The following STIM2 variants were observed in gnomAD, a reference collection of about 807,000 sequenced individuals.
The protein encoded by STIM2 is stromal interaction molecule 2.
In STIM2, 31 loss-of-function variants were observed where a neutral mutation model predicts 85.8. That is an observed-to-expected ratio of 0.36 (90% CI 0.27 to 0.49). STIM2 has a LOEUF of 0.49. Among genes scored for constraint, STIM2 ranks in the 20% least tolerant of loss-of-function variants. STIM2 has a pLI of 0.98. For synonymous variants in STIM2, 356 were observed against 331.1 expected (o/e 1.08, Z -0.82); for missense variants, 841 against 927.6 (o/e 0.91, Z 1.21).
chr4:26,948,277 C>T (rs375651032), intron 2 of STIM2, among the ~76,000 whole-genome samples: 3 of 152,098 alleles, frequency 2.0e-5, no homozygotes, highest in Non-Finnish European at 2.9e-5. Context: ...GGTGTTCCAA[C>T]GAAAGTGCTG....
At chr4:26,997,960 A>C (rs190925127) in intron 4 of STIM2, among the ~76,000 whole-genome samples, 54 of 152,290 alleles carry the variant, frequency 3.5e-4, no homozygotes, top group African/African-American at 1.3e-3. Context: ...AGTGTTTCAA[A>C]GTAGTCTTTG....
At chr4:26,955,479 T>C (rs1020055233) in intron 2 of STIM2, among the ~76,000 whole-genome samples, 6 of 148,430 alleles carry the variant, frequency 4.0e-5, no homozygotes, top group African/African-American at 1.5e-4. Flanking sequence ...AGAATTTCTT[T>C]CCAGCTCTTG....
chr4:27,012,516 T>G (rs1221637793), intron 10 of STIM2, among the ~76,000 whole-genome samples: 1 of 152,124 alleles, frequency 6.6e-6, no homozygotes, highest in African/African-American at 2.4e-5. Flanking sequence ...CTTATAAAAC[T>G]GTATTTCAGA....
At chr4:26,952,870 C>T (rs1457484335) in intron 2 of STIM2, among the ~76,000 whole-genome samples, 1 of 152,092 alleles carries the variant, frequency 6.6e-6, no homozygotes, top group East Asian at 1.9e-4. Context: ...TTTTAAATAG[C>T]TATATGAAAT....
In STIM2 at chr4:26,900,894, G is replaced by A. The variant is rs187268441; in HGVS notation, c.152-18610G>A. Among the ~76,000 whole-genome samples, 8 of 152,276 alleles carry A rather than the reference G, an allele frequency of 5.3e-5. No individual in the cohort carries two copies. In the East Asian group the frequency reaches 1.5e-3, roughly 29 times the overall value. ...CTGCTGTAGCTTACTGAAGCCAAGAGCAGGAAAAGGAAATCCCAGACTGCA... is the reference window on the plus strand; with the variant it reads ...CTGCTGTAGCTTACTGAAGCCAAGAACAGGAAAAGGAAATCCCAGACTGCA... On this transcript the variant is annotated intron_variant, in intron 1 of 11. Coordinates refer to ENST00000467087, the MANE Select transcript of STIM2 (RefSeq NM_020860.4).
At chr4:26,900,554 G>A (rs1397041557) in intron 1 of STIM2, among the ~76,000 whole-genome samples, 1 of 152,084 alleles carries the variant, frequency 6.6e-6, no homozygotes, top group African/African-American at 2.4e-5. Context: ...TTACTGCATG[G>A]CTTTGTACTA....
chr4:27,004,698 G>A (rs916647035), intron 7 of STIM2, among the ~76,000 whole-genome samples: 1 of 152,126 alleles, frequency 6.6e-6, no homozygotes. Context: ...AGTAGACCCC[G>A]AAGTTACCAA....
intron 1 of STIM2, among the ~76,000 whole-genome samples, chr4:26,900,611 T>G (rs1322666955): frequency 6.6e-6 from 1 of 152,218 alleles, no homozygotes; most frequent in Non-Finnish European, 1.5e-5. Context: ...TTCAGTATAA[T>G]TTTAGTAAAA....
chr4:26,933,116 T>C (rs925185557), intron 2 of STIM2, among the ~76,000 whole-genome samples: 1 of 151,524 alleles, frequency 6.6e-6, no homozygotes, highest in South Asian at 2.1e-4. Flanking sequence ...ACCCCGGATA[T>C]ATTAGCGCTT....
At chr4:26,883,459 A>AT (rs1000797865) in intron 1 of STIM2, among the ~76,000 whole-genome samples, 3 of 152,106 alleles carry the variant, frequency 2.0e-5, no homozygotes. Context: ...TGAATTAGGT[A>AT]TTTTTTTCCC....
chr4:26,902,062 G>A (rs1723943831), intron 1 of STIM2, among the ~76,000 whole-genome samples: 1 of 152,060 alleles, frequency 6.6e-6, no homozygotes, highest in Non-Finnish European at 1.5e-5. Context: ...TCTTTTTGGG[G>A]GAATGGGAGG....
At position 27,023,683 on chromosome 4, in the gene STIM2, G is replaced by C. The variant is rs993618450; in HGVS notation, c.*687G>C. On this transcript the variant is annotated 3_prime_UTR_variant, in exon 12 of 12. Transcript: ENST00000467087. ...GTGAAGTTTCAAGTCCCGCTGTAAA[G>C]ATCATGTTGTTTTGTTTTCCCCAGG... The C allele has an allele frequency of 6.6e-6, 1 of 152,582 alleles. No individual in the cohort carries two copies. Among genetic ancestry groups the C allele is most frequent in the African/African-American group, 2.4e-5 (1 of 41,454 alleles). The allele number at this position is 152,582 out of a possible 1,614,324, so 9.5% of individuals were successfully genotyped here. A position where few individuals can be genotyped will look rare whatever the true frequency, so the allele number is the denominator to read the frequency against.
intron 1 of STIM2, among the ~76,000 whole-genome samples, chr4:26,866,314 T>G (rs1193254372): frequency 4.6e-5 from 7 of 152,200 alleles, no homozygotes; most frequent in Admixed American, 4.6e-4. Flanking sequence ...AGTTAGAGGT[T>G]GACCAGGGTT....
intron 1 of STIM2, among the ~76,000 whole-genome samples, chr4:26,866,050 G>A (rs889360238): frequency 4.6e-5 from 7 of 150,984 alleles, no homozygotes; most frequent in Non-Finnish European, 7.4e-5. Flanking sequence ...TTTTATTTTA[G>A]ATTCATATGC....
intron 2 of STIM2, among the ~76,000 whole-genome samples, chr4:26,929,556 T>C (rs905584726): frequency 2.6e-5 from 4 of 152,182 alleles, no homozygotes; most frequent in African/African-American, 9.6e-5. Context: ...ATTTTTGTTT[T>C]GTTTTGAAAT....
chr4:26,880,799 A>G (rs935046593), intron 1 of STIM2, among the ~76,000 whole-genome samples: 1 of 151,056 alleles, frequency 6.6e-6, no homozygotes, highest in African/African-American at 2.4e-5. Context: ...GTAACTTAAA[A>G]TGTTTTAGAA....
intron 11 of STIM2, chr4:27,020,941 C>T (rs1355992478): frequency 2.7e-6 from 4 of 1,478,492 alleles, no homozygotes; most frequent in Non-Finnish European, 2.7e-6. Context: ...TTTCTTTTGC[C>T]ACTTTTTACC....
intron 1 of STIM2, among the ~76,000 whole-genome samples, chr4:26,885,065 A>AAT (rs1412325892): frequency 2.0e-5 from 3 of 152,192 alleles, no homozygotes; most frequent in Non-Finnish European, 4.4e-5. Flanking sequence ...TGTATTGGGT[A>AAT]CAGTTAATGG....
chr4:26,903,746 C>CA (rs1170629779), intron 1 of STIM2, among the ~76,000 whole-genome samples: 1 of 152,040 alleles, frequency 6.6e-6, no homozygotes, highest in Admixed American at 6.6e-5. Context: ...AAGAAGGCAG[C>CA]AGGTTATTTC....
Sources: gnomAD v4.1 joint callset for allele counts (sites outside exome capture counted in the v4.1 genomes callset) on GRCh38, gnomAD v4.1.1 for gene constraint, MANE v1.5 for transcripts, NCBI Gene and HGNC (gene_info 2026-07-23, HGNC 2026-07-21) for gene names.